CLCN1: variants seen among roughly 807,000 people sequenced by gnomAD.
CLCN1 encodes the protein chloride voltage-gated channel 1, also known as chloride channel protein 1.
In CLCN1, 100 loss-of-function variants were observed where a neutral mutation model predicts 114.5. That is an observed-to-expected ratio of 0.87 (90% confidence interval 0.74 to 1.03). The LOEUF is 1.03. Among genes scored for constraint, CLCN1 ranks in the 50% least tolerant of loss-of-function variants. The pLI is 0.00. For missense variants in CLCN1, 1,188 were observed against 1,250.0 expected (o/e 0.95, Z 0.75); for synonymous variants, 485 against 487.1 (o/e 1.00, Z 0.06).
At chr7:143,331,108 A>G in intron 8 of CLCN1, 124 bp from the exon 9 acceptor site, 1 of 1,030,944 alleles carries the variant, frequency 9.7e-7, no homozygotes, top group Non-Finnish European at 1.5e-6. Flanking sequence ...AAAGGAAAAT[A>G]CATTCAAGAG....
chr7:143,341,908 C>G, intron 14 of CLCN1, 21 bp from the exon 15 acceptor site: 1 of 1,591,160 alleles, frequency 6.3e-7, no homozygotes, highest in Non-Finnish European at 8.6e-7. Flanking sequence ...AACCTACAGG[C>G]GTATTCCTGT....
At chr7:143,334,940 T>C (rs992135853) in intron 12 of CLCN1, among the ~76,000 whole-genome samples, 2 of 152,224 alleles carry the variant, frequency 1.3e-5, no homozygotes, top group African/African-American at 4.8e-5. Context: ...CCCAACCTCC[T>C]ATAATTAGTT....
intron 14 of CLCN1, among the ~76,000 whole-genome samples, chr7:143,340,942 G>T (rs1393387177): frequency 6.6e-6 from 1 of 152,088 alleles, no homozygotes; most frequent in Non-Finnish European, 1.5e-5. Context: ...GACTATTTTG[G>T]TTAGTGGAGA....
chr7:143,328,157 T>C (rs1802622221), intron 7 of CLCN1, among the ~76,000 whole-genome samples: 1 of 152,180 alleles, frequency 6.6e-6, no homozygotes, highest in Non-Finnish European at 1.5e-5. Context: ...CATATCTAGG[T>C]GAGACCATTT....
At chr7:143,347,491 C>A (rs974281011) in intron 20 of CLCN1, among the ~76,000 whole-genome samples, 1 of 151,820 alleles carries the variant, frequency 6.6e-6, no homozygotes, top group African/African-American at 2.4e-5. Flanking sequence ...CATGGTGGCA[C>A]GCACCTGTAA....
At chr7:143,341,592 A>ATG (rs1563084319) in intron 14 of CLCN1, among the ~76,000 whole-genome samples, 2 of 141,372 alleles carry the variant, frequency 1.4e-5, no homozygotes, top group African/African-American at 5.2e-5. Flanking sequence ...AATAATAATA[A>ATG]TAATTTTAAA....
In CLCN1 at chr7:143,332,849, C is replaced by T; in HGVS notation, c.1377C>T (p.Ile459=). Residue 459 remains isoleucine (I), a synonymous_variant, in exon 12 of 23, where the codon ATC becomes ATT. Coordinates refer to ENST00000343257, the MANE Select transcript of CLCN1 (RefSeq NM_000083.3). The part of the protein sequence containing the change: ...WIHPRVNVVI[I]IFLFFVMKFW... ...ACCCCCGGGTCAACGTTGTCATCAT[C>T]ATCTTTCTCTTCTTCGTCATGAAGG... is the stretch of plus-strand genomic sequence containing the variant. 3 of 1,614,194 alleles carry T rather than the reference C, an allele frequency of 1.9e-6. No individual in the cohort carries two copies. Among genetic ancestry groups the T allele is most frequent in the Non-Finnish European group, 2.5e-6 (3 of 1,180,032 alleles).
chr7:143,349,734 G>C (rs899272324), intron 20 of CLCN1, among the ~76,000 whole-genome samples: 1 of 152,196 alleles, frequency 6.6e-6, no homozygotes, highest in African/African-American at 2.4e-5. Context: ...GAGGTGATGT[G>C]CTAGTTTCTT....
chr7:143,316,514 A>G, intron 1 of CLCN1, 122 bp downstream of exon 1: 1 of 902,184 alleles, frequency 1.1e-6, no homozygotes, highest in Non-Finnish European at 1.7e-6. Context: ...AACTTAAAAA[A>G]CAAGTACGTG....
In CLCN1 at chr7:143,330,823, A is replaced by G. The variant is rs1563078716; in HGVS notation, c.905A>G (p.Tyr302Cys). The change falls in exon 8 of 23, where the codon TAC (tyrosine) becomes TGC (cysteine). Residue 302 changes from tyrosine (Y) to cysteine (C), a missense_variant. Tyr to Cys is a radical substitution (Grantham distance 194). Transcript: ENST00000343257. Reference protein sequence around the residue: ...VTSTYFAVRNYWRGFFAATFS... With the variant: ...VTSTYFAVRNCWRGFFAATFS... ...TCCACCTACTTTGCTGTTCGGAACT[A>G]CTGGAGAGGATTCTTTGCAGCCACG... is the stretch of plus-strand genomic sequence containing the variant. 1.9e-6 allele frequency: 3 copies of G among 1,614,202 alleles called. No individual in the cohort carries two copies. The highest frequency in any genetic ancestry group is 2.5e-6 in the Non-Finnish European group (3 of 1,180,042).
rs1192204703 is a variant in CLCN1, at chr7:143,320,573, CTCTCTCTCTCTCTG to C, written c.302-85_302-72del. 1.0e-3 allele frequency: 966 copies of C among 940,420 alleles called. 6 individuals are homozygous for C. The African/African-American group carries it at 0.014, about 14-fold the overall frequency. 58.3% of individuals were successfully genotyped at this position (940,420 alleles called of 1,614,324 possible). A position where few individuals can be genotyped will look rare whatever the true frequency, so the allele number is the denominator to read the frequency against. ...TGCTTTTCTCTCTCTCTCTCTCTCTCTCTCTCTCTCTCTGTCTCTACATATATATATTTTTGTTT... is the reference window on the plus strand; with the variant it reads ...TGCTTTTCTCTCTCTCTCTCTCTCTCTCTCTACATATATATATTTTTGTTT... On this transcript the variant is annotated intron_variant, in intron 2 of 22. Coordinates refer to ENST00000343257, the MANE Select transcript of CLCN1 (RefSeq NM_000083.3).
At position 143,316,179 on chromosome 7, in the gene CLCN1, G is replaced by A. The variant is rs752457859; in HGVS notation, c.-34G>A. 4.4e-6 allele frequency: 7 copies of A among 1,584,710 alleles called. No homozygotes were observed. The highest frequency in any genetic ancestry group is 6.1e-6 in the Non-Finnish European group (7 of 1,156,482). ...CTGGGGGAAGGACAGGGGCAAGCAG[G>A]CCAAGGCCTGGCCGGGGCTCGGGGG... On this transcript the variant is annotated 5_prime_UTR_variant, in exon 1 of 23. Transcript: ENST00000343257.
In CLCN1 at chr7:143,352,008, G is replaced by C. The variant is rs1377784190; in HGVS notation, c.*43G>C. 1 of 1,611,924 alleles carries C rather than the reference G, an allele frequency of 6.2e-7. No homozygotes were observed. The highest frequency in any genetic ancestry group is 1.3e-5 in the African/African-American group (1 of 74,864). On this transcript the variant is annotated 3_prime_UTR_variant, in exon 23 of 23. Coordinates refer to ENST00000343257, the MANE Select transcript of CLCN1 (RefSeq NM_000083.3). ...CTCATAAAGACCGTGGAGAGGCCCA[G>C]CCTGAGGGTGAACTTGTGTGGGGCA...
chr7:143,316,720 C>A (rs73726613), intron 1 of CLCN1, among the ~76,000 whole-genome samples: 1 of 152,308 alleles, frequency 6.6e-6, no homozygotes, highest in African/African-American at 2.4e-5. Context: ...GGAGCCCACA[C>A]TGCAGTGTGC....
Position 143,321,829 on chromosome 7 carries a change from G to A in CLCN1, c.677G>A (p.Gly226Asp), listed in dbSNP as rs1304529237. ...GCCCTGACTGCGGGCCTGGGCAGTG[G>A]CATCCCCGTGGGGAAAGAGGTAGGC... ...VVALTAGLGS[G>D]IPVGKEGPFV... Residue 226 changes from glycine (G) to aspartate (D), a missense_variant, in exon 5 of 23, where the codon GGC becomes GAC. Coordinates refer to ENST00000343257, the MANE Select transcript of CLCN1 (RefSeq NM_000083.3). This position sits in a 1 kb window ranked among gnomAD's most constrained non-coding sequence, Gnocchi z 4.2. 1.2e-6 allele frequency: 2 copies of A among 1,614,212 alleles called. No individual in the cohort carries two copies. Among genetic ancestry groups the A allele is most frequent in the South Asian group, 2.2e-5 (2 of 91,070 alleles).
At chr7:143,333,991 G>A (rs1431876045) in intron 12 of CLCN1, among the ~76,000 whole-genome samples, 1 of 152,146 alleles carries the variant, frequency 6.6e-6, no homozygotes, top group Non-Finnish European at 1.5e-5. Context: ...AGAGAGGTGG[G>A]TCATCTGAGG....
At chr7:143,328,966 CTTTCTTTT>C (rs1198617276) in intron 7 of CLCN1, among the ~76,000 whole-genome samples, 1 of 72,004 alleles carries the variant, frequency 1.4e-5, no homozygotes, top group Non-Finnish European at 2.9e-5. Context: ...AATTTTCTTT[CTTTCTTTT>C]TTTTTTTTTT....
intron 16 of CLCN1, among the ~76,000 whole-genome samples, chr7:143,342,852 G>C (rs994774920): frequency 4.0e-5 from 6 of 151,736 alleles, no homozygotes; most frequent in African/African-American, 1.5e-4. Flanking sequence ...CCTGTAATTA[G>C]AACCCGGGAG....
intron 9 of CLCN1, 103 bp downstream of exon 9, chr7:143,331,419 G>C (rs949699491): frequency 2.7e-6 from 3 of 1,129,200 alleles, no homozygotes; most frequent in Non-Finnish European, 4.1e-6. Context: ...GGCACAGATA[G>C]AGTACATTGC....
Sources: allele counts gnomAD v4.1 joint callset (sites outside exome capture counted in the v4.1 genomes callset), GRCh38; gene constraint gnomAD v4.1.1; non-coding constraint Gnocchi (gnomAD v3.1); transcripts MANE v1.5; gene names NCBI Gene and HGNC (gene_info 2026-07-23, HGNC 2026-07-21).